The following OR3A2 variants were observed in gnomAD, a reference collection of about 807,000 sequenced individuals.
OR3A2 encodes olfactory receptor 3A2.
For missense variants in OR3A2, 318 were observed against 392.8 expected (o/e 0.81, Z 1.61); for synonymous variants, 126 against 159.3 (o/e 0.79, Z 1.57).
chr17:3,309,706 C>T (rs1339788852), intron 3 of OR3A2, among the ~76,000 whole-genome samples: 1 of 152,144 alleles, frequency 6.6e-6, no homozygotes. Flanking sequence ...GTGATGTTTC[C>T]TCGTTTAGTT....
chr17:3,278,429 A>T, exon 2 of OR3A2: 1 of 1,614,244 alleles, frequency 6.2e-7, no homozygotes, highest in South Asian at 1.1e-5. Flanking sequence ...ACATGGCCAC[A>T]GTGTGGGTCA....
intron 3 of OR3A2, among the ~76,000 whole-genome samples, chr17:3,326,794 A>C (rs2150639290): frequency 7.1e-6 from 1 of 140,354 alleles, no homozygotes; most frequent in Admixed American, 7.4e-5. Context: ...ATGAGTGAGA[A>C]TATGCAGTGT....
intron 2 of OR3A2, among the ~76,000 whole-genome samples, chr17:3,372,025 T>A (rs867461494): frequency 3.7e-5 from 3 of 81,094 alleles, no homozygotes; most frequent in Non-Finnish European, 7.0e-5. Flanking sequence ...TCACTTCTCA[T>A]ACGGGGCGGC....
intron 2 of OR3A2, among the ~76,000 whole-genome samples, chr17:3,358,527 ATTAT>A (rs1230958321): frequency 2.0e-5 from 3 of 151,538 alleles, no homozygotes; most frequent in African/African-American, 4.9e-5. Context: ...CCTTAATTTT[ATTAT>A]TTATTCAAAA....
Position 3,311,203 on chromosome 17 carries a change from T to G in OR3A2, c.-85+24830A>C, listed in dbSNP as rs773686544. ...CCACTCATCTACTGGACATCTCTGC[T>G]GGACGTCGGGTGCATCAGTCACTGT... On this transcript the variant is annotated intron_variant, in intron 3 of 4. Transcript: ENST00000573491. This position sits in a 1 kb window ranked among gnomAD's most constrained non-coding sequence, Gnocchi z 4.6. The G allele has an allele frequency of 1.9e-6, 1 of 536,686 alleles. No individual in the cohort carries two copies. Among genetic ancestry groups the G allele is most frequent in the Non-Finnish European group, 3.8e-6 (1 of 261,586 alleles). 33.2% of individuals were successfully genotyped at this position (536,686 alleles called of 1,614,324 possible).
chr17:3,347,918 C>A (rs1300590211), intron 2 of OR3A2, among the ~76,000 whole-genome samples: 1 of 152,184 alleles, frequency 6.6e-6, no homozygotes, highest in Non-Finnish European at 1.5e-5. Context: ...TGCTTCCTGA[C>A]TTTTTAATGA....
intron 3 of OR3A2, among the ~76,000 whole-genome samples, chr17:3,314,803 G>T (rs2049068395): frequency 6.6e-6 from 1 of 152,148 alleles, no homozygotes; most frequent in Non-Finnish European, 1.5e-5. Flanking sequence ...CCTTGGTCAT[G>T]AACACAGTAC....
chr17:3,358,984 T>C (rs922673538), intron 2 of OR3A2, among the ~76,000 whole-genome samples: 18 of 151,826 alleles, frequency 1.2e-4, no homozygotes, highest in African/African-American at 4.4e-4. Context: ...CATATATATT[T>C]AGGATATTCA....
At chr17:3,321,279 G>A (rs993520353) in intron 3 of OR3A2, among the ~76,000 whole-genome samples, 6 of 152,002 alleles carry the variant, frequency 3.9e-5, no homozygotes, top group Non-Finnish European at 1.5e-5. Context: ...GAGATTTTGG[G>A]CTGAGACAAT....
intron 3 of OR3A2, among the ~76,000 whole-genome samples, chr17:3,334,357 C>T (rs759066211): frequency 6.6e-6 from 1 of 152,168 alleles, no homozygotes; most frequent in Non-Finnish European, 1.5e-5. Context: ...TCATGAAAAA[C>T]ACTATTATTA....
chr17:3,376,187 T>C (rs902478203), intron 2 of OR3A2, among the ~76,000 whole-genome samples: 6 of 152,260 alleles, frequency 3.9e-5, no homozygotes, highest in Admixed American at 1.3e-4. Flanking sequence ...AGCAGGTTTG[T>C]TCCTTATGAG....
At chr17:3,364,370 T>C (rs1338468058) in intron 2 of OR3A2, among the ~76,000 whole-genome samples, 1 of 152,230 alleles carries the variant, frequency 6.6e-6, no homozygotes, top group Non-Finnish European at 1.5e-5. Flanking sequence ...AAAATTCTCT[T>C]TTAGCTATTT....
At chr17:3,376,915 T>G (rs60903328) in intron 2 of OR3A2, among the ~76,000 whole-genome samples, 3,381 of 152,214 alleles carry the variant, frequency 0.022, 133 homozygotes, top group African/African-American at 0.076. Context: ...TTCTATTGCT[T>G]CTTCTACTTT....
chr17:3,340,181 C>T (rs982656635), intron 2 of OR3A2, among the ~76,000 whole-genome samples: 10 of 152,082 alleles, frequency 6.6e-5, no homozygotes, highest in South Asian at 2.1e-4. Flanking sequence ...GTCTTGCTAG[C>T]GGTCTATCAA....
At chr17:3,300,297 G>A (rs1362582268) in intron 3 of OR3A2, among the ~76,000 whole-genome samples, 1 of 152,164 alleles carries the variant, frequency 6.6e-6, no homozygotes, top group Non-Finnish European at 1.5e-5. Context: ...AGTGGCTTAC[G>A]CCTGTAATCC....
rs35202424 is a variant in OR3A2, at chr17:3,384,713, A to G, written c.-274-814T>C. On this transcript the variant is annotated intron_variant, in intron 1 of 4. Coordinates refer to the OR3A2 transcript ENST00000573491. ...TACAGTATCTAGTACAGGGGTCAGCAAATTGTCCAAATCCAGACCACCACC... is the reference window on the plus strand; with the variant it reads ...TACAGTATCTAGTACAGGGGTCAGCGAATTGTCCAAATCCAGACCACCACC... 6.7e-3 allele frequency among the ~76,000 whole-genome samples: 1,023 copies of G among 152,300 alleles called. 6 individuals are homozygous for G. The highest frequency in any genetic ancestry group is 0.011 in the Non-Finnish European group (746 of 68,028).
chr17:3,362,149 G>C (rs1440881486), intron 2 of OR3A2, among the ~76,000 whole-genome samples: 1 of 151,690 alleles, frequency 6.6e-6, no homozygotes, highest in African/African-American at 2.4e-5. Flanking sequence ...TCTTGGGAGG[G>C]TGTATGTGTT....
At chr17:3,379,515 C>A (rs1186411589) in intron 2 of OR3A2, among the ~76,000 whole-genome samples, 2 of 152,154 alleles carry the variant, frequency 1.3e-5, no homozygotes, top group Non-Finnish European at 2.9e-5. Flanking sequence ...TGTCCTGGAG[C>A]AAATCTGCTG....
chr17:3,290,963 A>G (rs1032783463), intron 3 of OR3A2: 1 of 152,200 alleles, frequency 6.6e-6, no homozygotes, highest in African/African-American at 2.4e-5. Flanking sequence ...TTTTTGTAAC[A>G]TAAGATATAT....
Sources: gnomAD v4.1 joint callset for allele counts (sites outside exome capture counted in the v4.1 genomes callset) on GRCh38, gnomAD v4.1.1 for gene constraint, Gnocchi (gnomAD v3.1) non-coding constraint, MANE v1.5 for transcripts, NCBI Gene and HGNC (gene_info 2026-07-23, HGNC 2026-07-21) for gene names.